SEMA5B: variants seen among roughly 807,000 people sequenced by gnomAD.
SEMA5B encodes semaphorin 5B.
SEMA5B carries 66 observed loss-of-function variants against 135.0 expected under a neutral mutation model. The ratio of observed to expected loss-of-function variants is 0.49; its 90% CI spans 0.40 to 0.60. The LOEUF (loss-of-function observed/expected upper bound fraction) is 0.60, where lower values mean the gene tolerates loss of function less well. Ranked by LOEUF, SEMA5B falls within the 20% of genes least tolerant of loss-of-function variation. SEMA5B has a pLI of 0.00. For missense variants in SEMA5B, 1,501 were observed against 1,566.3 expected (o/e 0.96, Z 0.70); for synonymous variants, 690 against 639.5 (o/e 1.08, Z -1.19).
intron 1 of SEMA5B, among the ~76,000 whole-genome samples, chr3:122,990,465 C>T (rs904768302): frequency 6.6e-6 from 1 of 152,130 alleles, no homozygotes; most frequent in South Asian, 2.1e-4. Context: ...GCAGGTTTCA[C>T]CTGAACCAGT....
At chr3:122,980,746 C>T (rs1340000169) in intron 1 of SEMA5B, among the ~76,000 whole-genome samples, 1 of 152,200 alleles carries the variant, frequency 6.6e-6, no homozygotes, top group Non-Finnish European at 1.5e-5. Context: ...TGTGTACTAT[C>T]GCCACCATTC....
At chr3:122,944,879 A>C (rs1179137143) in intron 3 of SEMA5B, among the ~76,000 whole-genome samples, 3 of 152,224 alleles carry the variant, frequency 2.0e-5, no homozygotes, top group Admixed American at 1.3e-4. Context: ...GCCATGGAGC[A>C]GAGGAACTTT....
intron 5 of SEMA5B, among the ~76,000 whole-genome samples, chr3:122,935,316 G>C (rs1010672907): frequency 6.6e-6 from 1 of 152,088 alleles, no homozygotes; most frequent in African/African-American, 2.4e-5. Flanking sequence ...AAGTGGGGCT[G>C]GGGGAGCAGG....
At chr3:122,931,318 G>T (rs1220483299) in intron 5 of SEMA5B, among the ~76,000 whole-genome samples, 1 of 151,726 alleles carries the variant, frequency 6.6e-6, no homozygotes, top group Non-Finnish European at 1.5e-5. Context: ...GTTCTTCCCC[G>T]CACCAAAGCA....
chr3:122,984,165 C>G (rs1222289477), intron 1 of SEMA5B, among the ~76,000 whole-genome samples: 2 of 152,260 alleles, frequency 1.3e-5, no homozygotes, highest in African/African-American at 2.4e-5. Flanking sequence ...TCCCGCCCCC[C>G]GCCGTGGCCC....
At chr3:122,923,131 G>A (rs1384492769) in intron 10 of SEMA5B, among the ~76,000 whole-genome samples, 1 of 152,172 alleles carries the variant, frequency 6.6e-6, no homozygotes, top group Non-Finnish European at 1.5e-5. Context: ...AGCCTCCTCT[G>A]CCCCCTGGTT....
chr3:122,929,378 C>T (rs1938831897), intron 5 of SEMA5B, among the ~76,000 whole-genome samples: 1 of 152,222 alleles, frequency 6.6e-6, no homozygotes, highest in Non-Finnish European at 1.5e-5. Flanking sequence ...AGCCAGGGAG[C>T]TGGAAGTGGC....
intron 21 of SEMA5B, 100 bp from the exon 22 acceptor site, chr3:122,911,145 G>A (rs905275866): frequency 5.2e-5 from 60 of 1,144,888 alleles, no homozygotes; most frequent in Non-Finnish European, 6.8e-5. Flanking sequence ...GAGGCTCTGA[G>A]GCATCCTGGA....
intron 1 of SEMA5B, chr3:122,993,285 G>A (rs951054092): frequency 5.9e-5 from 9 of 152,306 alleles, no homozygotes; most frequent in Non-Finnish European, 1.0e-4. Context: ...GAAGCAGCTC[G>A]CAGCACGGCT....
In SEMA5B at chr3:122,912,255, G is replaced by C. The variant is rs778046996; in HGVS notation, c.2813C>G (p.Thr938Ser). The C allele has an allele frequency of 3.7e-6, 6 of 1,612,300 alleles. No individual in the cohort carries two copies. Among genetic ancestry groups the C allele is most frequent in the Non-Finnish European group, 5.1e-6 (6 of 1,179,206 alleles). ...CTCACCTGGGGAGGGTGCGGGGCTGGTGCAGGAACGGGTGCGTTGATAGTG... is the reference window on the plus strand; with the variant it reads ...CTCACCTGGGGAGGGTGCGGGGCTGCTGCAGGAACGGGTGCGTTGATAGTG... Reference protein sequence around the residue: ...GGHYQRTRSCTSPAPSPGEDI... With the variant: ...GGHYQRTRSCSSPAPSPGEDI... The change falls in exon 19 of 23, where the codon ACC becomes AGC. Residue 938 changes from threonine to serine, a missense_variant. Thr to Ser is a moderately conservative substitution (Grantham distance 58). Transcript: ENST00000357599.
At chr3:122,976,138 C>T (rs1941312991) in intron 1 of SEMA5B, 2 of 1,535,060 alleles carry the variant, frequency 1.3e-6, no homozygotes, top group African/African-American at 1.4e-5. Flanking sequence ...TTTATACACT[C>T]TCATCACTTC....
chr3:123,019,484 G>A lies in SEMA5B; in HGVS notation c.-39+7980C>T, dbSNP rs531587687. 1.9e-4 allele frequency among the ~76,000 whole-genome samples: 29 copies of A among 152,324 alleles called. 1 individual carries two copies. The South Asian group carries it at 5.8e-3, about 30-fold the overall frequency. On this transcript the variant is annotated intron_variant, in intron 1 of 22. Coordinates refer to ENST00000357599, the MANE Select transcript of SEMA5B (RefSeq NM_001031702.4). ...CATGCATTTGGTCCCAGCTACTTGG[G>A]AGGTTGAGATGGGAGGATGGCTTAA...
intron 1 of SEMA5B, among the ~76,000 whole-genome samples, chr3:122,991,252 G>A (rs1397830994): frequency 6.6e-6 from 1 of 152,178 alleles, no homozygotes; most frequent in African/African-American, 2.4e-5. Flanking sequence ...CACACACAGA[G>A]CACAAGCCTT....
At chr3:122,966,538 TA>T (rs1940830436) in intron 1 of SEMA5B, among the ~76,000 whole-genome samples, 1 of 26,848 alleles carries the variant, frequency 3.7e-5, no homozygotes, top group Non-Finnish European at 1.1e-4. Flanking sequence ...TAAGAATGTT[TA>T]TTATTATTAT....
At chr3:122,962,689 G>A (rs923171997) in intron 1 of SEMA5B, among the ~76,000 whole-genome samples, 5 of 152,220 alleles carry the variant, frequency 3.3e-5, no homozygotes, top group Non-Finnish European at 7.3e-5. Context: ...AACACATAAA[G>A]GGATGCTTGT....
chr3:122,922,564 A>T (rs13072180), intron 10 of SEMA5B, 117 bp from the exon 11 acceptor site: 2 of 892,236 alleles, frequency 2.2e-6, no homozygotes, highest in Non-Finnish European at 3.4e-6. Flanking sequence ...ATTCTCCAGC[A>T]CCCCCCACCC....
intron 2 of SEMA5B, among the ~76,000 whole-genome samples, chr3:122,960,039 G>A (rs189421079): frequency 5.3e-5 from 8 of 152,270 alleles, no homozygotes; most frequent in Admixed American, 6.5e-5. Context: ...GGCTCTCTCC[G>A]TGGAAACATT....
chr3:122,934,423 G>T (rs1357453899), intron 5 of SEMA5B, among the ~76,000 whole-genome samples: 1 of 152,146 alleles, frequency 6.6e-6, no homozygotes, highest in East Asian at 1.9e-4. Flanking sequence ...CAATGTACAG[G>T]TGATACAGGG....
chr3:122,997,713 C>G (rs1338010303), intron 1 of SEMA5B, among the ~76,000 whole-genome samples: 2 of 152,194 alleles, frequency 1.3e-5, no homozygotes, highest in East Asian at 3.9e-4. Context: ...ATGCCTGTGC[C>G]CTGTTTCACT....
Sources: allele counts gnomAD v4.1 joint callset (sites outside exome capture counted in the v4.1 genomes callset), GRCh38; gene constraint gnomAD v4.1.1; transcripts MANE v1.5; gene names NCBI Gene and HGNC (gene_info 2026-07-23, HGNC 2026-07-21).